RAB3C: variants seen among roughly 807,000 people sequenced by gnomAD.
RAB3C encodes ras-related protein Rab-3C.
Under a neutral mutation model 26.4 loss-of-function variants are expected in RAB3C, and 17 were observed. That is an observed-to-expected ratio of 0.64 (90% CI 0.44 to 0.97). The LOEUF (loss-of-function observed/expected upper bound fraction) is 0.97, where lower values mean the gene tolerates loss of function less well. RAB3C is among the 50% of genes least tolerant of loss of function. The probability of loss-of-function intolerance (pLI) is 0.00; values close to 1 mark genes in which losing one functional copy is unlikely to be tolerated. For synonymous variants in RAB3C, 91 were observed against 95.9 expected, an observed-to-expected ratio of 0.95 and a Z score of 0.30; for missense variants, 242 against 281.9, an observed-to-expected ratio of 0.86 and a Z score of 1.01.
intron 1 of RAB3C, among the ~76,000 whole-genome samples, chr5:58,607,152 G>C (rs542149683): frequency 6.6e-6 from 1 of 152,174 alleles, no homozygotes; most frequent in Non-Finnish European, 1.5e-5. Context: ...CACAAGGAAG[G>C]TAAAAACCTT....
chr5:58,652,634 G>A (rs762230786), intron 2 of RAB3C, among the ~76,000 whole-genome samples: 5 of 150,982 alleles, frequency 3.3e-5, no homozygotes, highest in Admixed American at 6.6e-5. Context: ...CAAACCTCTG[G>A]TACTGGTACA....
At chr5:58,732,448 A>C (rs1009640220) in intron 3 of RAB3C, among the ~76,000 whole-genome samples, 14 of 152,274 alleles carry the variant, frequency 9.2e-5, no homozygotes, top group Non-Finnish European at 1.9e-4. Flanking sequence ...CATTGGGTTT[A>C]TGTTAACAAT....
At chr5:58,656,294 T>C (rs1747771167) in intron 2 of RAB3C, among the ~76,000 whole-genome samples, 1 of 152,168 alleles carries the variant, frequency 6.6e-6, no homozygotes, top group South Asian at 2.1e-4. Context: ...AGACCTCTAT[T>C]TTTCAGCATG....
chr5:58,791,289 A>G (rs1742517325), intron 3 of RAB3C, among the ~76,000 whole-genome samples: 1 of 152,250 alleles, frequency 6.6e-6, no homozygotes, highest in East Asian at 1.9e-4. Flanking sequence ...GGCCTTTACC[A>G]TGGGCCCTTC....
At chr5:58,771,087 G>A (rs534019105) in intron 3 of RAB3C, among the ~76,000 whole-genome samples, 3 of 152,116 alleles carry the variant, frequency 2.0e-5, no homozygotes, top group South Asian at 2.1e-4. Flanking sequence ...GAGGCCAAAC[G>A]CCCAACTTTA....
intron 2 of RAB3C, among the ~76,000 whole-genome samples, chr5:58,709,972 T>C (rs1749024076): frequency 6.6e-6 from 1 of 152,192 alleles, no homozygotes; most frequent in Non-Finnish European, 1.5e-5. Context: ...TGATATTGTA[T>C]AATCTCATAC....
rs1744133424 is a variant in RAB3C, at chr5:58,852,447, A to T, written c.*1096A>T. 1 of 152,222 alleles carries T rather than the reference A, an allele frequency of 6.6e-6. No homozygotes were observed. The highest frequency in any genetic ancestry group is 2.4e-5 in the African/African-American group (1 of 41,452). 9.4% of individuals were successfully genotyped at this position (152,222 alleles called of 1,614,324 possible). On this transcript the variant is annotated 3_prime_UTR_variant, in exon 5 of 5. Coordinates refer to ENST00000282878, the MANE Select transcript of RAB3C (RefSeq NM_138453.4). ...TTAAATCAGATTTCAAAGGGTCCCCAGTTGAGAAAAAGGAAAATTTTAATC... is the reference window on the plus strand; with the variant it reads ...TTAAATCAGATTTCAAAGGGTCCCCTGTTGAGAAAAAGGAAAATTTTAATC...
At chr5:58,818,022 G>A (rs1743253835) in intron 3 of RAB3C, among the ~76,000 whole-genome samples, 1 of 152,152 alleles carries the variant, frequency 6.6e-6, no homozygotes, top group South Asian at 2.1e-4. Context: ...AGCTTCGCTG[G>A]GTGAGGAAGA....
intron 2 of RAB3C, among the ~76,000 whole-genome samples, chr5:58,720,859 T>C (rs1313242936): frequency 6.6e-6 from 1 of 151,856 alleles, no homozygotes; most frequent in Non-Finnish European, 1.5e-5. Flanking sequence ...CCATTTTCCC[T>C]TTAATTGAAT....
chr5:58,677,255 C>T (rs772242198), intron 2 of RAB3C, among the ~76,000 whole-genome samples: 54 of 152,284 alleles, frequency 3.5e-4, no homozygotes, highest in Non-Finnish European at 4.7e-4. Context: ...ATATTCATAA[C>T]GACCTCACTT....
intron 2 of RAB3C, among the ~76,000 whole-genome samples, chr5:58,679,034 G>A (rs1044175264): frequency 1.3e-5 from 2 of 152,072 alleles, no homozygotes; most frequent in African/African-American, 4.8e-5. Context: ...TTTGGCCCCT[G>A]TCATCTTCTT....
Position 58,832,854 on chromosome 5 carries a change from G to A in RAB3C, c.496+7692G>A, listed in dbSNP as rs10452456. Reference sequence around the variant, plus strand: ...CCTTGTTTGAAAGAATCAAAAACTCGGGCTTTGTCCTATACATGCTGAGGA... The same window carrying A: ...CCTTGTTTGAAAGAATCAAAAACTCAGGCTTTGTCCTATACATGCTGAGGA... On this transcript the variant is annotated intron_variant, in intron 4 of 4. Transcript: ENST00000282878. 1.7e-3 allele frequency among the ~76,000 whole-genome samples: 259 copies of A among 152,220 alleles called. 3 individuals carry two copies. Among genetic ancestry groups the A allele is most frequent in the African/African-American group, 5.6e-3 (232 of 41,548 alleles).
chr5:58,681,131 A>C (rs1446738847), intron 2 of RAB3C, among the ~76,000 whole-genome samples: 5 of 152,216 alleles, frequency 3.3e-5, no homozygotes, highest in African/African-American at 1.2e-4. Flanking sequence ...GCTTGTTTCT[A>C]ATCCTTAAAA....
intron 3 of RAB3C, among the ~76,000 whole-genome samples, chr5:58,753,469 G>T (rs1484928814): frequency 2.6e-5 from 4 of 152,134 alleles, no homozygotes; most frequent in Non-Finnish European, 4.4e-5. Context: ...AAAACTTCCA[G>T]TTTCCCTGAA....
Position 58,824,978 on chromosome 5 carries a change from C to T in RAB3C, c.372-60C>T, listed in dbSNP as rs537169065. 8.3e-6 allele frequency: 10 copies of T among 1,203,286 alleles called. No homozygotes were observed. The East Asian group carries it at 2.3e-4, about 28-fold the overall frequency. 74.5% of individuals were successfully genotyped at this position (1,203,286 alleles called of 1,614,324 possible). A position where few individuals can be genotyped will look rare whatever the true frequency, so the allele number is the denominator to read the frequency against. On this transcript the variant is annotated intron_variant, in intron 3 of 4. Coordinates refer to ENST00000282878, the MANE Select transcript of RAB3C (RefSeq NM_138453.4). ...TCATCTGTGGAATGTATTTCTTCTC[C>T]TTCATTTTATGCTGTTCTGCTTTCC...
chr5:58,809,536 C>T (rs1743022076), intron 3 of RAB3C, among the ~76,000 whole-genome samples: 1 of 152,170 alleles, frequency 6.6e-6, no homozygotes, highest in African/African-American at 2.4e-5. Context: ...ATATTTCCCT[C>T]TTACTGGCCT....
At chr5:58,663,354 A>G (rs1240481646) in intron 2 of RAB3C, among the ~76,000 whole-genome samples, 3 of 150,234 alleles carry the variant, frequency 2.0e-5, no homozygotes, top group Non-Finnish European at 2.9e-5. Flanking sequence ...ATTCATACCA[A>G]TTCATATCAA....
At position 58,813,592 on chromosome 5, in the gene RAB3C, TTATATATATATATATATATATATA is replaced by T. The variant is rs869039335; in HGVS notation, c.372-11427_372-11404del. On this transcript the variant is annotated intron_variant, in intron 3 of 4. Coordinates refer to ENST00000282878, the MANE Select transcript of RAB3C (RefSeq NM_138453.4). The stretch of plus-strand genomic sequence containing the variant: ...TGTTATGGTTAATTTATATTTATAT[TTATATATATATATATATATATATA>T]TATATATATATATATATACACACAC... 2.7e-4 allele frequency among the ~76,000 whole-genome samples: 13 copies of T among 47,826 alleles called. 1 individual carries two copies. Among genetic ancestry groups the T allele is most frequent in the East Asian group, 1.0e-3 (2 of 1,992 alleles). 31.4% of individuals were successfully genotyped at this position (47,826 alleles called of 152,430 possible).
chr5:58,772,221 G>T (rs1411161587), intron 3 of RAB3C, among the ~76,000 whole-genome samples: 1 of 152,150 alleles, frequency 6.6e-6, no homozygotes, highest in African/African-American at 2.4e-5. Flanking sequence ...ACTGTACTTG[G>T]TTAACAATAG....
Sources: gnomAD v4.1 joint callset for allele counts (sites outside exome capture counted in the v4.1 genomes callset) on GRCh38, gnomAD v4.1.1 for gene constraint, MANE v1.5 for transcripts, NCBI Gene and HGNC (gene_info 2026-07-23, HGNC 2026-07-21) for gene names.